The following TSC22D3 variants were observed in gnomAD, a reference collection of about 807,000 sequenced individuals.
TSC22D3 encodes the protein TSC22 domain family protein 3.
Under a neutral mutation model 11.1 loss-of-function variants are expected in TSC22D3, and 4 were observed. The observed-to-expected ratio is 0.36, with a 90% confidence interval of 0.18 to 0.83. TSC22D3 has a LOEUF of 0.83. TSC22D3 is among the 40% of genes least tolerant of loss of function. TSC22D3 has a pLI of 0.48. For synonymous variants in TSC22D3, 77 were observed against 70.3 expected, an observed-to-expected ratio of 1.10 and a Z score of -0.48; for missense variants, 118 against 159.4, an observed-to-expected ratio of 0.74 and a Z score of 1.40.
chrX:107,724,837 T>C (rs1010298189), intron 1 of TSC22D3, among the ~76,000 whole-genome samples: 3 of 112,688 alleles, frequency 2.7e-5, no homozygotes, highest in Non-Finnish European at 5.6e-5. Context: ...TCATGCATTA[T>C]AATGGGCTCT....
chrX:107,721,931 C>T lies in TSC22D3; in HGVS notation c.321-5981G>A, dbSNP rs773818233. 2.0e-5 allele frequency: 10 copies of T among 499,517 alleles called. No individual in the cohort carries two copies. In the South Asian group the frequency reaches 2.6e-4, roughly 13 times the overall value. The allele number at this position is 499,517 out of a possible 1,213,427, so 41.2% of individuals were successfully genotyped here. A position where few individuals can be genotyped will look rare whatever the true frequency, so the allele number is the denominator to read the frequency against. ...CATGGTTTAATTTGTCCTTGCTTCTCGCTTATCTTCTCTCTTCCCTTCTGG... is the reference window on the plus strand; with the variant it reads ...CATGGTTTAATTTGTCCTTGCTTCTTGCTTATCTTCTCTCTTCCCTTCTGG... On this transcript the variant is annotated intron_variant, in intron 1 of 2. Transcript: ENST00000372383.
rs774165564 is a variant in TSC22D3 at position 107,771,320 on chromosome X, C to T, written c.320+3780G>A. ...ACCCATTTGGTCGGGCGCAGTGGCT[C>T]ATGCCTGTAATCCCAGCACCTTGGG... On this transcript the variant is annotated intron_variant, in intron 1 of 2. Coordinates refer to ENST00000372383, the MANE Select transcript of TSC22D3 (RefSeq NM_198057.3). Among the ~76,000 whole-genome samples, 419 of 112,454 alleles carry T rather than the reference C, an allele frequency of 3.7e-3. 6 individuals carry two copies. Among genetic ancestry groups the T allele is most frequent in the African/African-American group, 0.013 (405 of 30,993 alleles).
chrX:107,731,853 G>T, intron 1 of TSC22D3, among the ~76,000 whole-genome samples: 1 of 87,626 alleles, frequency 1.1e-5, no homozygotes, highest in African/African-American at 4.2e-5. Context: ...CGGAAGGCTT[G>T]CAGGATGCTA....
intron 1 of TSC22D3, among the ~76,000 whole-genome samples, chrX:107,738,287 G>A (rs1233652397): frequency 8.9e-6 from 1 of 112,800 alleles, no homozygotes; most frequent in Non-Finnish European, 1.9e-5. Context: ...TCAGCGGAGA[G>A]TTTTCCTGGT....
intron 1 of TSC22D3, among the ~76,000 whole-genome samples, chrX:107,737,257 A>C (rs1467332808): frequency 9.0e-6 from 1 of 111,610 alleles, no homozygotes; most frequent in Non-Finnish European, 1.9e-5. Context: ...TTATTCCCCC[A>C]GGCAATGTTA....
chrX:107,742,308 AGAGAGAGAGAGT>A (rs1220345069), intron 1 of TSC22D3, among the ~76,000 whole-genome samples: 19 of 80,998 alleles, frequency 2.3e-4, no homozygotes, highest in African/African-American at 2.9e-4. Flanking sequence ...AGAGAGAGAG[AGAGAGAGAGAGT>A]GTGTGTGCGC....
chrX:107,736,029 C>T (rs908629749), intron 1 of TSC22D3, among the ~76,000 whole-genome samples: 4 of 112,055 alleles, frequency 3.6e-5, no homozygotes, highest in Admixed American at 9.4e-5. Context: ...AATACTCTAA[C>T]CAGGCCTGTG....
intron 1 of TSC22D3, among the ~76,000 whole-genome samples, chrX:107,739,471 G>T (rs1284888762): frequency 8.9e-6 from 1 of 112,431 alleles, no homozygotes; most frequent in African/African-American, 3.2e-5. Context: ...GTCCTGGCCT[G>T]GTCCTTCCAG....
chrX:107,719,902 C>A (rs1927239048), intron 1 of TSC22D3, among the ~76,000 whole-genome samples: 1 of 111,881 alleles, frequency 8.9e-6, no homozygotes, highest in Middle Eastern at 4.7e-3. Context: ...ATGAGACGGC[C>A]ATGCTCAACC....
chrX:107,716,352 G>C (rs867395739), intron 1 of TSC22D3: 1 of 916,769 alleles, frequency 1.1e-6, no homozygotes, highest in Middle Eastern at 4.9e-4. Context: ...TTCTCGGCTG[G>C]TAAGCTTCCG....
intron 1 of TSC22D3, among the ~76,000 whole-genome samples, chrX:107,770,095 A>G (rs775664275): frequency 1.6e-4 from 18 of 112,361 alleles, no homozygotes; most frequent in Non-Finnish European, 3.0e-4. Context: ...CCACACAGAA[A>G]CCCAAAACCG....
chrX:107,767,033 C>T (rs765931246), intron 1 of TSC22D3, among the ~76,000 whole-genome samples: 4 of 110,844 alleles, frequency 3.6e-5, no homozygotes, highest in African/African-American at 6.6e-5. Flanking sequence ...CTGCTGGAGT[C>T]GCTTCCTTTC....
chrX:107,763,983 G>A (rs1929554043), intron 1 of TSC22D3, among the ~76,000 whole-genome samples: 1 of 112,497 alleles, frequency 8.9e-6, no homozygotes, highest in African/African-American at 3.2e-5. Flanking sequence ...TATGGCTTCA[G>A]TGGTTACTCA....
Position 107,713,695 on chromosome X carries a change from T to C in TSC22D3, c.*824A>G, listed in dbSNP as rs1926851937. The C allele has an allele frequency of 9.0e-6, 1 of 111,706 alleles. No individual in the cohort carries two copies. Among genetic ancestry groups the C allele is most frequent in the African/African-American group, 3.3e-5 (1 of 30,485 alleles). The allele number at this position is 111,706 out of a possible 1,213,427, so 9.2% of individuals were successfully genotyped here. A position where few individuals can be genotyped will look rare whatever the true frequency, so the allele number is the denominator to read the frequency against. ...CCTCCTTGCCTTTACTCTCGAGTCT[T>C]ACTTAACCTAAAAGACAAACTGGGT... On this transcript the variant is annotated 3_prime_UTR_variant, in exon 3 of 3. Transcript: ENST00000372383.
intron 1 of TSC22D3, among the ~76,000 whole-genome samples, chrX:107,770,409 A>G (rs1929856651): frequency 8.9e-6 from 1 of 112,282 alleles, no homozygotes; most frequent in Non-Finnish European, 1.9e-5. Flanking sequence ...AATTTTTTGC[A>G]CAAATTTTTC....
At chrX:107,729,149 T>A (rs1040054585) in intron 1 of TSC22D3, among the ~76,000 whole-genome samples, 3 of 112,349 alleles carry the variant, frequency 2.7e-5, no homozygotes, top group African/African-American at 9.7e-5. Flanking sequence ...CTTGGGCATA[T>A]TGGGGATGTT....
intron 1 of TSC22D3, among the ~76,000 whole-genome samples, chrX:107,763,738 A>G (rs904265117): frequency 4.7e-4 from 52 of 111,319 alleles, no homozygotes; most frequent in Non-Finnish European, 8.9e-4. Context: ...ACAAAAACAA[A>G]TTTTCCTTCC....
intron 1 of TSC22D3, among the ~76,000 whole-genome samples, chrX:107,717,904 A>G (rs1010978437): frequency 8.9e-6 from 1 of 111,904 alleles, no homozygotes; most frequent in African/African-American, 3.3e-5. Flanking sequence ...TACATTCAAC[A>G]TTATCCAGGA....
chrX:107,733,879 ACTGCCTGCCC>A (rs1344952954), intron 1 of TSC22D3, among the ~76,000 whole-genome samples: 1 of 111,503 alleles, frequency 9.0e-6, no homozygotes, highest in African/African-American at 3.3e-5. Context: ...CAGATAGACA[ACTGCCTGCCC>A]CACCTCTAGG....
Sources: allele counts gnomAD v4.1 joint callset (sites outside exome capture counted in the v4.1 genomes callset), GRCh38; gene constraint gnomAD v4.1.1; transcripts MANE v1.5; gene names NCBI Gene and HGNC (gene_info 2026-07-23, HGNC 2026-07-21).